Variants in SH3GL3 observed in about 807,000 individuals in gnomAD.
SH3GL3 encodes SH3 domain containing GRB2 like 3, endophilin A3.
SH3GL3 carries 33 observed loss-of-function variants against 47.7 expected under a neutral mutation model. The ratio of observed to expected loss-of-function variants is 0.69; its 90% CI spans 0.52 to 0.92. The LOEUF is 0.92. Ranked by LOEUF, SH3GL3 falls within the 40% of genes least tolerant of loss-of-function variation. SH3GL3 has a pLI of 0.00. For synonymous variants in SH3GL3, 155 were observed against 148.8 expected (o/e 1.04, Z -0.30); for missense variants, 363 against 417.8 (o/e 0.87, Z 1.14).
At chr15:83,594,309 A>T (rs2151818069) in intron 8 of SH3GL3, among the ~76,000 whole-genome samples, 1 of 152,336 alleles carries the variant, frequency 6.6e-6, no homozygotes, top group Non-Finnish European at 1.5e-5. Context: ...TCAACCTTGC[A>T]TCCCTAGGAT....
intron 1 of SH3GL3, among the ~76,000 whole-genome samples, chr15:83,493,069 T>A (rs2041941541): frequency 6.6e-6 from 1 of 152,254 alleles, no homozygotes; most frequent in Non-Finnish European, 1.5e-5. Context: ...AGATGGGATA[T>A]TAGATGATTT....
At chr15:83,458,472 T>C (rs1007144269) in intron 1 of SH3GL3, among the ~76,000 whole-genome samples, 3 of 152,200 alleles carry the variant, frequency 2.0e-5, no homozygotes, top group African/African-American at 7.2e-5. Flanking sequence ...CAGACAGTAA[T>C]GCTACTAAGT....
chr15:83,539,063 T>C (rs1343010899), intron 1 of SH3GL3, among the ~76,000 whole-genome samples: 1 of 152,200 alleles, frequency 6.6e-6, no homozygotes, highest in Admixed American at 6.5e-5. Flanking sequence ...ACCATTCTGA[T>C]AGTAATGTAG....
At chr15:83,613,481 A>G (rs1318126355) in intron 8 of SH3GL3, among the ~76,000 whole-genome samples, 1 of 152,200 alleles carries the variant, frequency 6.6e-6, no homozygotes, top group African/African-American at 2.4e-5. Context: ...GTGTGCAGCA[A>G]GAACCCAGGT....
intron 1 of SH3GL3, among the ~76,000 whole-genome samples, chr15:83,535,234 AT>A (rs2043853738): frequency 6.6e-6 from 1 of 151,944 alleles, no homozygotes; most frequent in East Asian, 1.9e-4. Flanking sequence ...ACCTATATTT[AT>A]TGGTGAACTT....
At chr15:83,484,977 C>G (rs1314503030) in intron 1 of SH3GL3, among the ~76,000 whole-genome samples, 1 of 152,152 alleles carries the variant, frequency 6.6e-6, no homozygotes, top group African/African-American at 2.4e-5. Flanking sequence ...GATGCATTAT[C>G]TTCCAAAACC....
intron 1 of SH3GL3, among the ~76,000 whole-genome samples, chr15:83,478,824 C>G (rs2041212767): frequency 6.6e-6 from 1 of 152,224 alleles, no homozygotes; most frequent in African/African-American, 2.4e-5. Context: ...ATGAGGTGCT[C>G]AGCACAGGGC....
chr15:83,558,974 C>G (rs1177225468), intron 1 of SH3GL3, among the ~76,000 whole-genome samples: 1 of 152,020 alleles, frequency 6.6e-6, no homozygotes, highest in Non-Finnish European at 1.5e-5. Flanking sequence ...CTGTGTGTTC[C>G]TTGATGACAA....
intron 1 of SH3GL3, among the ~76,000 whole-genome samples, chr15:83,527,025 C>T (rs771259969): frequency 3.3e-5 from 5 of 152,042 alleles, no homozygotes; most frequent in African/African-American, 1.2e-4. Context: ...TTATTATAGG[C>T]GTAAAGAAAT....
intron 2 of SH3GL3, among the ~76,000 whole-genome samples, chr15:83,563,173 A>T (rs2045367886): frequency 6.6e-6 from 1 of 152,220 alleles, no homozygotes; most frequent in Non-Finnish European, 1.5e-5. Flanking sequence ...GTCTTCTATT[A>T]TAAATCATTC....
intron 1 of SH3GL3, among the ~76,000 whole-genome samples, chr15:83,548,775 C>T (rs2044525679): frequency 6.6e-6 from 1 of 152,062 alleles, no homozygotes; most frequent in Non-Finnish European, 1.5e-5. Context: ...TCATATTTAT[C>T]CTGATTGGTA....
intron 8 of SH3GL3, among the ~76,000 whole-genome samples, chr15:83,614,812 C>T (rs1596356854): frequency 6.6e-6 from 1 of 152,106 alleles, no homozygotes; most frequent in Non-Finnish European, 1.5e-5. Context: ...TAATATAATC[C>T]TTCTCACAAC....
At chr15:83,528,409 T>C (rs1460789504) in intron 1 of SH3GL3, among the ~76,000 whole-genome samples, 2 of 152,238 alleles carry the variant, frequency 1.3e-5, no homozygotes, top group East Asian at 3.8e-4. Context: ...TGTCTTTCTC[T>C]TCATTTTCTG....
In SH3GL3 at chr15:83,587,067, C is replaced by A; in HGVS notation, c.709C>A (p.Gln237Lys). Reference protein sequence around the residue: ...RQSTEILQELQSKLQMRISAA... With the variant: ...RQSTEILQELKSKLQMRISAA... Reference sequence around the variant, plus strand: ...GTCCACAGAGATTCTGCAGGAGCTGCAGAGCAAGCTACAGATGCGGTAAGC... The same window carrying A: ...GTCCACAGAGATTCTGCAGGAGCTGAAGAGCAAGCTACAGATGCGGTAAGC... The change falls in exon 7 of 9, where the codon CAG becomes AAG. Residue 237 changes from glutamine (Q) to lysine (K), a missense_variant. By Grantham distance (53) the Gln-to-Lys change is moderately conservative. Transcript: ENST00000427482. The A allele has an allele frequency of 6.2e-7, 1 of 1,603,242 alleles. No individual in the cohort carries two copies. Among genetic ancestry groups the A allele is most frequent in the Non-Finnish European group, 8.5e-7 (1 of 1,172,408 alleles).
downstream of SH3GL3, among the ~76,000 whole-genome samples, chr15:83,620,464 A>G (rs144326927): frequency 1.3e-5 from 2 of 152,234 alleles, no homozygotes; most frequent in Non-Finnish European, 2.9e-5. Context: ...AATGGATGTT[A>G]TGTTAGTAGG....
chr15:83,490,764 G>A, intron 1 of SH3GL3: 1 of 1,608,646 alleles, frequency 6.2e-7, no homozygotes, highest in Non-Finnish European at 8.5e-7. Flanking sequence ...GCTTTTAAGT[G>A]AATAAGACCA....
chr15:83,462,240 T>G (rs578109196), intron 1 of SH3GL3, among the ~76,000 whole-genome samples: 8 of 152,354 alleles, frequency 5.3e-5, no homozygotes, highest in Admixed American at 2.0e-4. Context: ...GACTTCACAC[T>G]GTGGACAGTG....
intron 1 of SH3GL3, among the ~76,000 whole-genome samples, chr15:83,533,425 G>A (rs1186767159): frequency 6.6e-6 from 1 of 152,146 alleles, no homozygotes; most frequent in East Asian, 1.9e-4. Context: ...AGACAAATCG[G>A]TTAATAGGAA....
At chr15:83,525,351 C>CGTGTGT (rs3078536) in intron 1 of SH3GL3, among the ~76,000 whole-genome samples, 52,007 of 147,844 alleles carry the variant, frequency 0.35, 9,139 homozygotes, top group Admixed American at 0.43. Flanking sequence ...ATTCTTTGTG[C>CGTGTGT]GTGTGTGTGT....
Sources: allele counts gnomAD v4.1 joint callset (sites outside exome capture counted in the v4.1 genomes callset), GRCh38; gene constraint gnomAD v4.1.1; transcripts MANE v1.5; gene names NCBI Gene and HGNC (gene_info 2026-07-23, HGNC 2026-07-21).